ANKRD44: variants seen among roughly 807,000 people sequenced by gnomAD.
The protein encoded by ANKRD44 is serine/threonine-protein phosphatase 6 regulatory ankyrin repeat subunit B.
Under a neutral mutation model 116.0 loss-of-function variants are expected in ANKRD44, and 35 were observed. The observed-to-expected ratio is 0.30, with a 90% CI of 0.23 to 0.40. The LOEUF (loss-of-function observed/expected upper bound fraction) is 0.40, where lower values mean the gene tolerates loss of function less well. ANKRD44 is among the 10% of genes least tolerant of loss of function. The pLI is 1.00. For missense variants in ANKRD44, 1,014 were observed against 1,242.6 expected, an observed-to-expected ratio of 0.82 and a Z score of 2.77; for synonymous variants, 435 against 461.8, an observed-to-expected ratio of 0.94 and a Z score of 0.74.
intron 2 of ANKRD44, among the ~76,000 whole-genome samples, chr2:197,150,373 C>T (rs1487851244): frequency 3.3e-5 from 5 of 152,004 alleles, no homozygotes; most frequent in Admixed American, 3.3e-4. Flanking sequence ...ACGGTGAAAC[C>T]CCATTTCTAC....
intron 2 of ANKRD44, among the ~76,000 whole-genome samples, 165 bp from the exon 3 acceptor site, chr2:197,147,270 C>G (rs993155585): frequency 6.6e-6 from 1 of 151,920 alleles, no homozygotes; most frequent in African/African-American, 2.4e-5. Context: ...CTCAACATAC[C>G]CTATAGTTAC....
At chr2:197,110,640 A>T in intron 9 of ANKRD44, 126 bp downstream of exon 9, 2 of 771,138 alleles carry the variant, frequency 2.6e-6, no homozygotes, top group Non-Finnish European at 4.6e-6. Flanking sequence ...ACATCAAAGA[A>T]TTATGTAATT....
intron 16 of ANKRD44, among the ~76,000 whole-genome samples, chr2:197,045,092 C>CT (rs11304628): frequency 1.9e-4 from 28 of 148,028 alleles, no homozygotes; most frequent in African/African-American, 3.0e-4. Flanking sequence ...TTTCTTTCTT[C>CT]TTTTTTTTTT....
At chr2:197,221,814 C>G (rs1231547802) in intron 1 of ANKRD44, among the ~76,000 whole-genome samples, 1 of 152,168 alleles carries the variant, frequency 6.6e-6, no homozygotes, top group Non-Finnish European at 1.5e-5. Flanking sequence ...ATTCGATCAG[C>G]CAAAGCTGAG....
intron 1 of ANKRD44, among the ~76,000 whole-genome samples, chr2:197,252,325 G>A (rs1187298235): frequency 2.7e-5 from 4 of 149,082 alleles, no homozygotes; most frequent in African/African-American, 7.4e-5. Flanking sequence ...CCTGCTCCCC[G>A]CTACCCGCCC....
At position 197,125,511 on chromosome 2, in the gene ANKRD44, T is replaced by C. The variant is rs768073689; in HGVS notation, c.463-43A>G. Reference sequence around the variant, plus strand: ...ATGAAATCAAGCATACATTCTGTAATGGTGAGGCCTCCTCACTGCCTGCAG... The same window carrying C: ...ATGAAATCAAGCATACATTCTGTAACGGTGAGGCCTCCTCACTGCCTGCAG... On this transcript the variant is annotated intron_variant, in intron 5 of 27. Coordinates refer to ENST00000282272, the MANE Select transcript of ANKRD44 (RefSeq NM_001195144.2). The C allele has an allele frequency of 5.2e-6, 8 of 1,545,302 alleles. No individual in the cohort carries two copies. In the South Asian group the frequency reaches 6.7e-5, roughly 13 times the overall value.
At position 197,140,909 on chromosome 2, in the gene ANKRD44, A is replaced by C. The variant is rs559983547; in HGVS notation, c.191-4247T>G. ...GCTTATTGTATATCAATTATACTTC[A>C]ATAAAGCTGCTTTAAAAATCAATAG... On this transcript the variant is annotated intron_variant, in intron 3 of 27. Coordinates refer to ENST00000282272, the MANE Select transcript of ANKRD44 (RefSeq NM_001195144.2). Among the ~76,000 whole-genome samples the C allele has an allele frequency of 1.3e-4, 19 of 151,994 alleles. No individual in the cohort carries two copies. In the South Asian group the frequency reaches 3.9e-3, roughly 32 times the overall value.
At chr2:197,210,477 G>T (rs1335881475) in intron 1 of ANKRD44, among the ~76,000 whole-genome samples, 5 of 152,224 alleles carry the variant, frequency 3.3e-5, no homozygotes, top group Middle Eastern at 3.2e-3. Flanking sequence ...TGACGCCAAA[G>T]CTTGTTCTGT....
chr2:197,067,912 G>A (rs1309206730), intron 16 of ANKRD44, among the ~76,000 whole-genome samples: 28 of 150,698 alleles, frequency 1.9e-4, no homozygotes, highest in African/African-American at 6.4e-4. Flanking sequence ...ACATGCACAC[G>A]TATGTTTATT....
intron 1 of ANKRD44, among the ~76,000 whole-genome samples, chr2:197,210,968 T>C (rs1295395060): frequency 6.6e-6 from 1 of 152,100 alleles, no homozygotes; most frequent in Non-Finnish European, 1.5e-5. Flanking sequence ...TACCTGGGGA[T>C]CACACACTCC....
At chr2:197,152,337 A>T (rs1439077172) in intron 2 of ANKRD44, among the ~76,000 whole-genome samples, 1 of 152,244 alleles carries the variant, frequency 6.6e-6, no homozygotes, top group Non-Finnish European at 1.5e-5. Flanking sequence ...ACACACTGAA[A>T]TGGCTCATCA....
chr2:197,178,168 G>A (rs1378243746), intron 2 of ANKRD44, among the ~76,000 whole-genome samples: 1 of 152,096 alleles, frequency 6.6e-6, no homozygotes, highest in Non-Finnish European at 1.5e-5. Flanking sequence ...CCAACTGGAG[G>A]GTCAAGAATG....
intron 2 of ANKRD44, among the ~76,000 whole-genome samples, chr2:197,148,800 C>G (rs1182558143): frequency 6.6e-6 from 1 of 152,112 alleles, no homozygotes; most frequent in Non-Finnish European, 1.5e-5. Context: ...TGTATGGCTG[C>G]AGGCAATTAC....
At chr2:197,236,303 G>T (rs1358646496) in intron 1 of ANKRD44, among the ~76,000 whole-genome samples, 1 of 152,012 alleles carries the variant, frequency 6.6e-6, no homozygotes, top group Non-Finnish European at 1.5e-5. Context: ...TAGAAGATAG[G>T]TAAAGAAGAC....
At chr2:197,252,582 G>A (rs2178203) in intron 1 of ANKRD44, among the ~76,000 whole-genome samples, 151,513 of 152,124 alleles carry the variant, frequency 1, 75,455 homozygotes, top group Middle Eastern at 1. Flanking sequence ...AATTTTTTGC[G>A]TTTTTAGTAG....
chr2:197,118,788 C>T lies in ANKRD44; in HGVS notation c.906+2544G>A, dbSNP rs116799374. 6.3e-3 allele frequency among the ~76,000 whole-genome samples: 959 copies of T among 152,254 alleles called. 3 individuals carry two copies. Among genetic ancestry groups the T allele is most frequent in the Middle Eastern group, 0.02 (6 of 294 alleles). ...GCATCATCTACACACATAACCATAA[C>T]ATTTTAGCATTAAAAAAGAGATCAT... On this transcript the variant is annotated intron_variant, in intron 8 of 27. Transcript: ENST00000282272.
chr2:197,159,511 C>G (rs943136501), intron 2 of ANKRD44, among the ~76,000 whole-genome samples: 2 of 152,188 alleles, frequency 1.3e-5, no homozygotes, highest in Non-Finnish European at 2.9e-5. Context: ...CAGGTCTGCT[C>G]TAGCAAAAGC....
chr2:197,139,846 TTTTGTGTGTG>T (rs1559096291), intron 3 of ANKRD44, among the ~76,000 whole-genome samples: 1 of 116,956 alleles, frequency 8.6e-6, no homozygotes, highest in Non-Finnish European at 1.8e-5. Flanking sequence ...ACTAAGCTGC[TTTTGTGTGTG>T]TGTGTGTGTG....
At chr2:197,198,685 C>T (rs1030779514) in intron 1 of ANKRD44, among the ~76,000 whole-genome samples, 15 of 151,930 alleles carry the variant, frequency 9.9e-5, no homozygotes, top group African/African-American at 2.9e-4. Flanking sequence ...CCCAGCTACT[C>T]GGGAGGCTGA....
Sources: gnomAD v4.1 joint callset for allele counts (sites outside exome capture counted in the v4.1 genomes callset) on GRCh38, gnomAD v4.1.1 for gene constraint, MANE v1.5 for transcripts, NCBI Gene and HGNC (gene_info 2026-07-23, HGNC 2026-07-21) for gene names.